TOPBP1: variants seen among roughly 807,000 people sequenced by gnomAD.
The protein encoded by TOPBP1 is DNA topoisomerase 2-binding protein 1.
In TOPBP1, 28 loss-of-function variants were observed where a neutral mutation model predicts 167.7. That is an observed-to-expected ratio of 0.17 (90% confidence interval 0.12 to 0.23). The LOEUF (loss-of-function observed/expected upper bound fraction) is 0.23, where lower values mean the gene tolerates loss of function less well. TOPBP1 is among the 10% of genes least tolerant of loss of function. TOPBP1 has a pLI of 1.00. For missense variants in TOPBP1, 1,554 were observed against 1,809.6 expected, an observed-to-expected ratio of 0.86 and a Z score of 2.56; for synonymous variants, 598 against 611.4, an observed-to-expected ratio of 0.98 and a Z score of 0.32.
intron 27 of TOPBP1, among the ~76,000 whole-genome samples, chr3:133,605,328 C>T (rs1934454004): frequency 6.7e-6 from 1 of 148,848 alleles, no homozygotes; most frequent in South Asian, 2.1e-4. Context: ...ACGCTAATAC[C>T]AAAAGATGAC....
chr3:133,608,796 A>T, intron 26 of TOPBP1, 77 bp downstream of exon 26: 1 of 1,563,446 alleles, frequency 6.4e-7, no homozygotes, highest in Non-Finnish European at 8.7e-7. Flanking sequence ...AAGTAGAGAA[A>T]ATGAAGAACT....
chr3:133,650,939 A>T (rs1031407846), intron 8 of TOPBP1, among the ~76,000 whole-genome samples: 1 of 151,710 alleles, frequency 6.6e-6, no homozygotes, highest in Non-Finnish European at 1.5e-5. Flanking sequence ...TGAAACCCTC[A>T]CCTCTACTAA....
At chr3:133,603,193 GC>G (rs1934370987) in intron 27 of TOPBP1, among the ~76,000 whole-genome samples, 1 of 152,132 alleles carries the variant, frequency 6.6e-6, no homozygotes, top group South Asian at 2.1e-4. Flanking sequence ...ACCATGCCCG[GC>G]CTCAGGAAGT....
At chr3:133,604,979 G>C (rs1230641896) in intron 27 of TOPBP1, among the ~76,000 whole-genome samples, 13 of 151,592 alleles carry the variant, frequency 8.6e-5, no homozygotes, top group Admixed American at 8.6e-4. Flanking sequence ...ATAATCCTAG[G>C]ACTTTGGGAA....
chr3:133,615,467 ACT>A (rs1323820702), intron 23 of TOPBP1, among the ~76,000 whole-genome samples: 2 of 152,120 alleles, frequency 1.3e-5, no homozygotes, highest in Non-Finnish European at 2.9e-5. Flanking sequence ...ACAGAGCAAG[ACT>A]CTGTCTCAAA....
At chr3:133,616,677 T>C in intron 23 of TOPBP1, 137 bp downstream of exon 23, 2 of 473,302 alleles carry the variant, frequency 4.2e-6, no homozygotes, top group Non-Finnish European at 3.6e-6. Context: ...GCTGACTCAA[T>C]GTATAGCCTT....
rs115968434 is a variant in TOPBP1 at position 133,617,417 on chromosome 3, G to T, written c.3593-91C>A. ...TATTCTCATCTGTCTTAGTCAAGAT[G>T]AAGTCAAGCACAAACTCTGGAATGT... is the stretch of plus-strand genomic sequence containing the variant. On this transcript the variant is annotated intron_variant, in intron 21 of 27. Coordinates refer to ENST00000260810, the MANE Select transcript of TOPBP1 (RefSeq NM_007027.4). The T allele has an allele frequency of 1.9e-4, 254 of 1,357,796 alleles. No homozygotes were observed. The African/African-American group carries it at 3.5e-3, about 19-fold the overall frequency. The allele number at this position is 1,357,796 out of a possible 1,614,324, so 84.1% of individuals were successfully genotyped here. A position where few individuals can be genotyped will look rare whatever the true frequency, so the allele number is the denominator to read the frequency against.
At chr3:133,619,575 C>T (rs1271921048) in intron 20 of TOPBP1, among the ~76,000 whole-genome samples, 1 of 151,984 alleles carries the variant, frequency 6.6e-6, no homozygotes, top group Non-Finnish European at 1.5e-5. Flanking sequence ...AAAATGCATG[C>T]AAAATCCCAA....
At chr3:133,601,484 C>A in intron 27 of TOPBP1, 91 bp from the exon 28 acceptor site, 1 of 1,047,402 alleles carries the variant, frequency 9.5e-7, no homozygotes, top group Non-Finnish European at 1.3e-6. Flanking sequence ...TCAGACCTCT[C>A]AGGGATGAAT....
chr3:133,655,487 C>A lies in TOPBP1; in HGVS notation c.546-1G>T, dbSNP rs1464942302. On this transcript the variant is annotated splice_acceptor_variant, in intron 5 of 27. Transcript: ENST00000260810. LOFTEE classifies it high-confidence loss of function. ...TATATCAGTATATCTAGTTATTTTT[C>A]TGTGGGAATCAAATGGTTAAAAAAG... 7.0e-7 allele frequency: 1 copy of A among 1,428,876 alleles called. No individual in the cohort carries two copies. Among genetic ancestry groups the A allele is most frequent in the Non-Finnish European group, 9.3e-7 (1 of 1,077,756 alleles). The allele number at this position is 1,428,876 out of a possible 1,614,324, so 88.5% of individuals were successfully genotyped here.
At position 133,640,116 on chromosome 3, in the gene TOPBP1, A is replaced by G. The variant is rs1488921778; in HGVS notation, c.2076T>C (p.Ser692=). The G allele has an allele frequency of 1.9e-6, 3 of 1,613,856 alleles. No homozygotes were observed. The highest frequency in any genetic ancestry group is 2.5e-6 in the Non-Finnish European group (3 of 1,179,848). Residue 692 remains serine (S), a synonymous_variant, in exon 13 of 28, where the codon AGT becomes AGC. Coordinates refer to ENST00000260810, the MANE Select transcript of TOPBP1 (RefSeq NM_007027.4). The part of the protein sequence containing the change: ...KSNAKKGMFA[S]THLILKERGG... ...CACGTTCTTTCAGTATAAGATGAGTACTGGCAAACATGCCTTTCTTTGCAT... is the reference window on the plus strand; with the variant it reads ...CACGTTCTTTCAGTATAAGATGAGTGCTGGCAAACATGCCTTTCTTTGCAT...
At chr3:133,661,724 T>C (rs371449611) in intron 1 of TOPBP1, 45 bp downstream of exon 1, 2 of 152,750 alleles carry the variant, frequency 1.3e-5, no homozygotes, top group South Asian at 4.1e-4. Context: ...CGAACCCCAG[T>C]TGGGGCTGGG....
intron 6 of TOPBP1, among the ~76,000 whole-genome samples, chr3:133,654,172 C>T (rs1372616778): frequency 1.3e-5 from 2 of 152,134 alleles, no homozygotes; most frequent in Non-Finnish European, 2.9e-5. Flanking sequence ...CATATAGGCT[C>T]CATCACTTAA....
At chr3:133,639,408 C>T (rs1421814814) in intron 13 of TOPBP1, among the ~76,000 whole-genome samples, 1 of 151,844 alleles carries the variant, frequency 6.6e-6, no homozygotes, top group Non-Finnish European at 1.5e-5. Flanking sequence ...GGGAATTGAA[C>T]AGACACAGGG....
chr3:133,640,268 T>A (rs756789266), intron 12 of TOPBP1, 98 bp from the exon 13 acceptor site: 147 of 1,017,828 alleles, frequency 1.4e-4, no homozygotes, highest in Non-Finnish European at 1.9e-4. Context: ...AGAGATCATG[T>A]AAGTATAAAA....
intron 10 of TOPBP1, among the ~76,000 whole-genome samples, chr3:133,644,953 G>A (rs901094452): frequency 6.6e-6 from 1 of 152,142 alleles, no homozygotes; most frequent in African/African-American, 2.4e-5. Context: ...CTCACATAAT[G>A]CTAACTGTGA....
At chr3:133,651,274 C>T (rs551373139) in intron 8 of TOPBP1, among the ~76,000 whole-genome samples, 1 of 150,530 alleles carries the variant, frequency 6.6e-6, no homozygotes, top group East Asian at 2.0e-4. Context: ...GTAACCTCCG[C>T]CTCCTGGGTT....
At position 133,640,610 on chromosome 3, in the gene TOPBP1, A is replaced by G. The variant is rs140471899; in HGVS notation, c.2022-440T>C. Among the ~76,000 whole-genome samples, 806 of 151,982 alleles carry G rather than the reference A, an allele frequency of 5.3e-3. 8 individuals are homozygous for G. Among genetic ancestry groups the G allele is most frequent in the African/African-American group, 0.019 (767 of 41,456 alleles). The stretch of plus-strand genomic sequence containing the variant: ...ATTTTTTGTAGAGATGGGGTTTCAC[A>G]ATGTTGCCTAGCCTGGTCTCGAACT... On this transcript the variant is annotated intron_variant, in intron 12 of 27. Transcript: ENST00000260810.
intron 27 of TOPBP1, among the ~76,000 whole-genome samples, chr3:133,606,326 G>C (rs1355503536): frequency 6.6e-6 from 1 of 151,310 alleles, no homozygotes; most frequent in African/African-American, 2.4e-5. Flanking sequence ...CAAAAGATAG[G>C]TAAGTTCCCT....
Sources: allele counts gnomAD v4.1 joint callset (sites outside exome capture counted in the v4.1 genomes callset), GRCh38; gene constraint gnomAD v4.1.1; transcripts MANE v1.5; gene names NCBI Gene and HGNC (gene_info 2026-07-23, HGNC 2026-07-21).